Variants in TULP4 observed in about 807,000 individuals in gnomAD.
The protein encoded by TULP4 is TUB like protein 4, also known as tubby-related protein 4.
A neutral mutation model predicts 129.0 loss-of-function variants in TULP4; 16 were observed. The ratio of observed to expected loss-of-function variants is 0.12; its 90% CI spans 0.08 to 0.19. The LOEUF is 0.19. Among genes scored for constraint, TULP4 ranks in the 10% least tolerant of loss-of-function variants. TULP4 has a pLI of 1.00. For missense variants in TULP4, 1,842 were observed against 2,059.1 expected, an observed-to-expected ratio of 0.89 and a Z score of 2.04; for synonymous variants, 998 against 854.0, an observed-to-expected ratio of 1.17 and a Z score of -2.94.
chr6:158,305,690 G>A (rs60858143), intron 1 of TULP4, among the ~76,000 whole-genome samples: 2,402 of 126,988 alleles, frequency 0.019, 73 homozygotes, highest in African/African-American at 0.066. Context: ...GAAAGACAGA[G>A]GGAAACCCTG....
At chr6:158,425,401 T>C (rs1183907986) in intron 2 of TULP4, among the ~76,000 whole-genome samples, 2 of 149,922 alleles carry the variant, frequency 1.3e-5, no homozygotes, top group Non-Finnish European at 3.0e-5. Context: ...TAATCCCAGC[T>C]ACTCGGGAGG....
At chr6:158,238,221 C>T in intron 1 of TULP4, 2 of 871,646 alleles carry the variant, frequency 2.3e-6, no homozygotes, top group Non-Finnish European at 2.0e-6. Flanking sequence ...ATTTCAATTG[C>T]ATTTTCTTGA....
chr6:158,509,766 A>G lies in TULP4; in HGVS notation c.*3072A>G, dbSNP rs1780693801. 1 of 152,208 alleles carries G rather than the reference A, an allele frequency of 6.6e-6. No homozygotes were observed. The highest frequency in any genetic ancestry group is 1.5e-5 in the Non-Finnish European group (1 of 68,048). 9.4% of individuals were successfully genotyped at this position (152,208 alleles called of 1,614,324 possible). On this transcript the variant is annotated 3_prime_UTR_variant, in exon 14 of 14. Transcript: ENST00000367097. ...CCTCCCCTCTACCCAGGGGCCTGAA[A>G]AGAGGGGCTGCCCTCCTGCGCCAAG...
At chr6:158,297,671 C>T (rs1779057657) in intron 1 of TULP4, among the ~76,000 whole-genome samples, 2 of 152,174 alleles carry the variant, frequency 1.3e-5, no homozygotes, top group South Asian at 4.1e-4. Flanking sequence ...GCCACGGCTC[C>T]AGCTGGTCCC....
intron 1 of TULP4, among the ~76,000 whole-genome samples, chr6:158,377,285 G>C (rs1317470290): frequency 6.6e-6 from 1 of 152,166 alleles, no homozygotes; most frequent in African/African-American, 2.4e-5. Context: ...ACAGGTGAGT[G>C]ATAACACCCA....
At chr6:158,374,103 G>A (rs1267396881) in intron 1 of TULP4, among the ~76,000 whole-genome samples, 1 of 152,074 alleles carries the variant, frequency 6.6e-6, no homozygotes, top group African/African-American at 2.4e-5. Context: ...ATGATGCAAA[G>A]TCCTGCTCAG....
At chr6:158,377,341 G>A (rs1189624846) in intron 1 of TULP4, among the ~76,000 whole-genome samples, 1 of 152,228 alleles carries the variant, frequency 6.6e-6, no homozygotes, top group Non-Finnish European at 1.5e-5. Flanking sequence ...TGCTACAGAT[G>A]TGGCATGAAC....
Position 158,313,770 on chromosome 6 carries a change from TG to T in TULP4, c.-246del, listed in dbSNP as rs1227708315. 12 of 518,458 alleles carry T rather than the reference TG, an allele frequency of 2.3e-5. No individual in the cohort carries two copies. Among genetic ancestry groups the T allele is most frequent in the African/African-American group, 1.9e-4 (10 of 51,940 alleles). The allele number at this position is 518,458 out of a possible 1,614,324, so 32.1% of individuals were successfully genotyped here. A position where few individuals can be genotyped will look rare whatever the true frequency, so the allele number is the denominator to read the frequency against. On this transcript the variant is annotated 5_prime_UTR_variant, in exon 1 of 14. The change abolishes an upstream ATG in the 5' untranslated region. Transcript: ENST00000367097. ...AACTTGAAAATACAAATGGACCCCA[TG>T]TTTTTTTAAGCATTACCTTTTCTTA...
chr6:158,325,745 T>G lies in TULP4; in HGVS notation c.252+11477T>G, dbSNP rs1779731905. On this transcript the variant is annotated intron_variant, in intron 1 of 13. Transcript: ENST00000367097. ...GCAGAAATGAAACTTTTGTTTTATATTTAGGTCAGAATTTCATTTCACCTA... is the reference window on the plus strand; with the variant it reads ...GCAGAAATGAAACTTTTGTTTTATAGTTAGGTCAGAATTTCATTTCACCTA... Among the ~76,000 whole-genome samples the G allele has an allele frequency of 1.3e-5, 2 of 151,618 alleles. 1 individual carries two copies. Among genetic ancestry groups the G allele is most frequent in the South Asian group, 4.2e-4 (2 of 4,810 alleles).
chr6:158,266,734 C>T (rs558918272), intron 1 of TULP4, among the ~76,000 whole-genome samples: 79 of 152,262 alleles, frequency 5.2e-4, no homozygotes, highest in African/African-American at 1.9e-3. Context: ...ATGAGGGATG[C>T]ATATGGGTTA....
At chr6:158,483,936 T>C (rs1780006734) in intron 8 of TULP4, among the ~76,000 whole-genome samples, 1 of 151,384 alleles carries the variant, frequency 6.6e-6, no homozygotes, top group Non-Finnish European at 1.5e-5. Context: ...TTTTTTTTTT[T>C]CAGACAGGGT....
intron 1 of TULP4, among the ~76,000 whole-genome samples, chr6:158,345,435 A>G (rs184656117): frequency 0.017 from 2,659 of 152,176 alleles, 240 homozygotes; most frequent in Admixed American, 0.16. Flanking sequence ...GGTTCTTTCT[A>G]TTTTCCCTAA....
At chr6:158,405,300 C>G (rs768128920) in intron 1 of TULP4, among the ~76,000 whole-genome samples, 2 of 152,118 alleles carry the variant, frequency 1.3e-5, no homozygotes, top group Non-Finnish European at 2.9e-5. Flanking sequence ...AGACCCAACA[C>G]CAGGTCGTGG....
chr6:158,364,880 C>CAT (rs1583798812), intron 1 of TULP4, among the ~76,000 whole-genome samples: 2 of 152,152 alleles, frequency 1.3e-5, no homozygotes, highest in South Asian at 2.1e-4. Context: ...GGACTACAGG[C>CAT]GCCCGCCACC....
At chr6:158,388,471 A>G (rs1238897035) in intron 1 of TULP4, among the ~76,000 whole-genome samples, 1 of 151,570 alleles carries the variant, frequency 6.6e-6, no homozygotes, top group African/African-American at 2.4e-5. Context: ...CTGAGACTAG[A>G]GGCGCCCATC....
At position 158,511,620 on chromosome 6, in the gene TULP4, T is replaced by G. The variant is rs1348679662; in HGVS notation, c.*4926T>G. 1 of 152,688 alleles carries G rather than the reference T, an allele frequency of 6.5e-6. No homozygotes were observed. Among genetic ancestry groups the G allele is most frequent in the Non-Finnish European group, 1.5e-5 (1 of 68,048 alleles). The allele number at this position is 152,688 out of a possible 1,614,324, so 9.5% of individuals were successfully genotyped here. A position where few individuals can be genotyped will look rare whatever the true frequency, so the allele number is the denominator to read the frequency against. ...GCGTTTTAATGAGCTCATCCTTATT[T>G]GCCTTTCTTCTTACGTATTTTGTGT... On this transcript the variant is annotated 3_prime_UTR_variant, in exon 14 of 14. Transcript: ENST00000367097.
intron 1 of TULP4, among the ~76,000 whole-genome samples, chr6:158,266,800 A>G (rs932126990): frequency 6.6e-6 from 1 of 152,206 alleles, no homozygotes; most frequent in African/African-American, 2.4e-5. Context: ...GGATTTTTTT[A>G]TCTACATGGG....
chr6:158,276,426 T>C (rs1778647662), intron 1 of TULP4, among the ~76,000 whole-genome samples: 1 of 151,132 alleles, frequency 6.6e-6, no homozygotes, highest in Non-Finnish European at 1.5e-5. Context: ...CGTCTCAGTC[T>C]CTCAAGTAGC....
At chr6:158,422,762 C>G (rs1778376182) in intron 2 of TULP4, among the ~76,000 whole-genome samples, 1 of 152,178 alleles carries the variant, frequency 6.6e-6, no homozygotes, top group Non-Finnish European at 1.5e-5. Context: ...ATTGGTTTGA[C>G]CAGGCATGTG....
Sources: allele counts gnomAD v4.1 joint callset (sites outside exome capture counted in the v4.1 genomes callset), GRCh38; gene constraint gnomAD v4.1.1; transcripts MANE v1.5; gene names NCBI Gene and HGNC (gene_info 2026-07-23, HGNC 2026-07-21).